Variants in CRELD1 observed in about 807,000 individuals in gnomAD.
The protein encoded by CRELD1 is CRELD disulfide isomerase 1, also known as protein disulfide isomerase CRELD1.
In CRELD1, 42 loss-of-function variants were observed where a neutral mutation model predicts 58.2. The ratio of observed to expected loss-of-function variants is 0.72; its 90% CI spans 0.56 to 0.93. CRELD1 has a LOEUF of 0.93. Among genes scored for constraint, CRELD1 ranks in the 40% least tolerant of loss-of-function variants. CRELD1 has a pLI of 0.00. For missense variants in CRELD1, 500 were observed against 540.6 expected, an observed-to-expected ratio of 0.92 and a Z score of 0.74; for synonymous variants, 222 against 202.0, an observed-to-expected ratio of 1.10 and a Z score of -0.84.
At position 9,937,628 on chromosome 3, in the gene CRELD1, G is replaced by C; in HGVS notation, c.324G>C (p.Leu108=). The change falls in exon 4 of 11, where the codon CTG becomes CTC. Residue 108 remains leucine (L), a synonymous_variant. Transcript: ENST00000452070. ...CSKSDFECHR[L]LELSEELVES... The stretch of plus-strand genomic sequence containing the variant: ...AGTCAGACTTCGAGTGCCACCGCCT[G>C]CTGGAGCTGAGTGAGGAGCTGGTGG... The C allele has an allele frequency of 6.2e-7, 1 of 1,612,124 alleles. No individual in the cohort carries two copies. The highest frequency in any genetic ancestry group is 1.3e-5 in the African/African-American group (1 of 75,032).
intron 10 of CRELD1, 130 bp downstream of exon 10, chr3:9,943,645 C>T (rs965604804): frequency 6.4e-7 from 1 of 1,573,670 alleles, no homozygotes; most frequent in East Asian, 2.3e-5. Flanking sequence ...GGAGGCTGCA[C>T]TGAGACCGGG....
In CRELD1 at chr3:9,944,346, A is replaced by G. The variant is rs1314491862; in HGVS notation, c.1049-19A>G. ...AACAGGGATACGAGTGCCAGGCTGCATCTCTTGCTCCTCTGCAGAGTCAGC... is the reference window on the plus strand; with the variant it reads ...AACAGGGATACGAGTGCCAGGCTGCGTCTCTTGCTCCTCTGCAGAGTCAGC... On this transcript the variant is annotated intron_variant, in intron 10 of 10. Transcript: ENST00000452070. The G allele has an allele frequency of 6.2e-7, 1 of 1,607,838 alleles. No homozygotes were observed. Among genetic ancestry groups the G allele is most frequent in the Admixed American group, 1.7e-5 (1 of 60,030 alleles).
intron 10 of CRELD1, chr3:9,943,755 G>C: frequency 6.3e-7 from 1 of 1,587,976 alleles, no homozygotes; most frequent in Non-Finnish European, 8.6e-7. Flanking sequence ...TCCTTAACCT[G>C]TTTCCTCATC....
chr3:9,938,806 G>A (rs1036919460), intron 5 of CRELD1, among the ~76,000 whole-genome samples: 1 of 151,876 alleles, frequency 6.6e-6, no homozygotes, highest in East Asian at 1.9e-4. Context: ...CTTGCAGTGA[G>A]CCGAGATCAT....
Position 9,944,652 on chromosome 3 carries a change from ACT to A in CRELD1, c.*75_*76del. On this transcript the variant is annotated 3_prime_UTR_variant, in exon 11 of 11. Coordinates refer to ENST00000452070, the MANE Select transcript of CRELD1 (RefSeq NM_001077415.3). The stretch of plus-strand genomic sequence containing the variant: ...AGCTTGGGCTGCCCTCCTGCTGGAC[ACT>A]CAGGACAGCTTGGTTTATTTTTGAG... 2 of 1,351,468 alleles carry A rather than the reference ACT, an allele frequency of 1.5e-6. No homozygotes were observed. Among genetic ancestry groups the A allele is most frequent in the East Asian group, 5.0e-5 (2 of 40,210 alleles). 83.7% of individuals were successfully genotyped at this position (1,351,468 alleles called of 1,614,324 possible). A position where few individuals can be genotyped will look rare whatever the true frequency, so the allele number is the denominator to read the frequency against.
chr3:9,935,678 G>A (rs2085173261), intron 3 of CRELD1: 1 of 152,178 alleles, frequency 6.6e-6, no homozygotes, highest in Non-Finnish European at 1.5e-5. Context: ...TATGGGTATA[G>A]AGAAACAGTA....
intron 5 of CRELD1, among the ~76,000 whole-genome samples, chr3:9,940,139 C>T (rs1345717526): frequency 3.3e-5 from 5 of 151,670 alleles, no homozygotes; most frequent in African/African-American, 1.2e-4. Flanking sequence ...TCCTCACTTC[C>T]TAGATGGGAT....
chr3:9,942,957 C>G, intron 8 of CRELD1, 61 bp downstream of exon 8: 1 of 1,544,890 alleles, frequency 6.5e-7, no homozygotes, highest in Admixed American at 1.7e-5. Context: ...TGCTCCACAC[C>G]TGTCCCTCCA....
chr3:9,938,161 C>A, intron 5 of CRELD1, 55 bp downstream of exon 5: 1 of 1,337,560 alleles, frequency 7.5e-7, no homozygotes, highest in Non-Finnish European at 1.1e-6. Context: ...TCCAGGGATC[C>A]AGTCCTGGCT....
In CRELD1 at chr3:9,943,502, G is replaced by T; in HGVS notation, c.1035G>T (p.Lys345Asn). ...GYKQMEGICV[K>N]EQIPESAGFF... ...AGCAGATGGAAGGCATCTGTGTGAAGGAGCAGATCCCAGGTGAGCCCTGGG... is the reference window on the plus strand; with the variant it reads ...AGCAGATGGAAGGCATCTGTGTGAATGAGCAGATCCCAGGTGAGCCCTGGG... Residue 345 changes from lysine to asparagine, a missense_variant, in exon 10 of 11, where the codon AAG becomes AAT. Lys to Asn is a moderately conservative substitution (Grantham distance 94). Coordinates refer to ENST00000452070, the MANE Select transcript of CRELD1 (RefSeq NM_001077415.3). 1 of 1,614,088 alleles carries T rather than the reference G, an allele frequency of 6.2e-7. No homozygotes were observed. Among genetic ancestry groups the T allele is most frequent in the Non-Finnish European group, 8.5e-7 (1 of 1,180,012 alleles).
At chr3:9,944,276 G>C in intron 10 of CRELD1, 89 bp from the exon 11 acceptor site, 1 of 1,202,718 alleles carries the variant, frequency 8.3e-7, no homozygotes, top group Non-Finnish European at 1.2e-6. Flanking sequence ...TGGCCATGAT[G>C]ATCAGGTGTG....
chr3:9,934,671 G>A, intron 2 of CRELD1, 59 bp downstream of exon 2: 1 of 1,584,566 alleles, frequency 6.3e-7, no homozygotes, highest in Non-Finnish European at 8.7e-7. Flanking sequence ...GGGGAACTCT[G>A]GGATGCAAAT....
chr3:9,940,152 C>T (rs189860555), intron 5 of CRELD1, among the ~76,000 whole-genome samples: 143 of 151,160 alleles, frequency 9.5e-4, no homozygotes, highest in African/African-American at 3.3e-3. Context: ...GATGGGATGG[C>T]GGCCGGGCAG....
In CRELD1 at chr3:9,934,510, A is replaced by G; in HGVS notation, c.72A>G (p.Pro24=). Residue 24 remains proline, a synonymous_variant, in exon 2 of 11, where the codon CCA becomes CCG. Transcript: ENST00000452070. The part of the protein sequence containing the change: ...LWGLSLFLNL[P]GPIWLQPSPP... ...GCCTCAGCCTCTTCCTCAACCTCCC[A>G]GGACCTATCTGGCTCCAGCCCTCTC... The G allele has an allele frequency of 6.2e-7, 1 of 1,613,316 alleles. No individual in the cohort carries two copies. The highest frequency in any genetic ancestry group is 8.5e-7 in the Non-Finnish European group (1 of 1,179,536).
rs2085469240 is a variant in CRELD1 at position 9,944,581 on chromosome 3, C to T, written c.*2C>T. ...GAGGGCTTCATCAAGGGCAGATAAT[C>T]GCGGCCACCACCTGTAGGACCTCCT... On this transcript the variant is annotated 3_prime_UTR_variant, in exon 11 of 11. Transcript: ENST00000452070. 2 of 1,599,554 alleles carry T rather than the reference C, an allele frequency of 1.3e-6. No homozygotes were observed. Among genetic ancestry groups the T allele is most frequent in the Non-Finnish European group, 1.7e-6 (2 of 1,177,666 alleles).
chr3:9,944,332 G>A lies in CRELD1; in HGVS notation c.1049-33G>A, dbSNP rs56861690. 43 of 1,574,952 alleles carry A rather than the reference G, an allele frequency of 2.7e-5. No homozygotes were observed. In the African/African-American group the frequency reaches 4.6e-4, roughly 17 times the overall value. On this transcript the variant is annotated intron_variant, in intron 10 of 10. Coordinates refer to ENST00000452070, the MANE Select transcript of CRELD1 (RefSeq NM_001077415.3). ...CAAGAACTACCAGGAACAGGGATAC[G>A]AGTGCCAGGCTGCATCTCTTGCTCC...
At chr3:9,943,753 C>G (rs746256909) in intron 10 of CRELD1, 43 of 1,585,810 alleles carry the variant, frequency 2.7e-5, no homozygotes, top group Admixed American at 3.5e-5. Flanking sequence ...CCTCCTTAAC[C>G]TGTTTCCTCA....
intron 2 of CRELD1, 103 bp downstream of exon 2, chr3:9,934,715 C>T: frequency 6.6e-7 from 1 of 1,510,650 alleles, no homozygotes; most frequent in Non-Finnish European, 9.1e-7. Flanking sequence ...TGGTCTCTTA[C>T]TAGTTGTATG....
rs1398880640 is a variant in CRELD1 at position 9,939,944 on chromosome 3, G to A, written c.461-906G>A. ...GCGCCCCTCACCTCCCGGACGGGGC[G>A]GCTGGCCGGGCGGGGGGCTGACCCC... On this transcript the variant is annotated intron_variant, in intron 5 of 10. Transcript: ENST00000452070. 3.3e-5 allele frequency among the ~76,000 whole-genome samples: 5 copies of A among 151,658 alleles called. No homozygotes were observed. In the East Asian group the frequency reaches 5.9e-4, roughly 18 times the overall value.
Sources: gnomAD v4.1 joint callset for allele counts (sites outside exome capture counted in the v4.1 genomes callset) on GRCh38, gnomAD v4.1.1 for gene constraint, MANE v1.5 for transcripts, NCBI Gene and HGNC (gene_info 2026-07-23, HGNC 2026-07-21) for gene names.